The following MARK3 variants were observed in gnomAD, a reference collection of about 807,000 sequenced individuals.
MARK3 encodes MAP/microtubule affinity-regulating kinase 3.
Under a neutral mutation model 90.1 loss-of-function variants are expected in MARK3, and 46 were observed. That is an observed-to-expected ratio of 0.51 (90% CI 0.40 to 0.65). MARK3 has a LOEUF of 0.65. Among genes scored for constraint, MARK3 ranks in the 30% least tolerant of loss-of-function variants. The probability of loss-of-function intolerance (pLI) is 0.00; values close to 1 mark genes in which losing one functional copy is unlikely to be tolerated. For missense variants in MARK3, 818 were observed against 947.2 expected, an observed-to-expected ratio of 0.86 and a Z score of 1.79; for synonymous variants, 321 against 332.6, an observed-to-expected ratio of 0.97 and a Z score of 0.38.
At chr14:103,423,650 G>A (rs1015829303) in intron 2 of MARK3, among the ~76,000 whole-genome samples, 3 of 152,170 alleles carry the variant, frequency 2.0e-5, no homozygotes, top group African/African-American at 7.2e-5. Flanking sequence ...AGCTCTCCAG[G>A]CTCCAGCTCT....
intron 1 of MARK3, among the ~76,000 whole-genome samples, chr14:103,386,599 C>G (rs553846007): frequency 6.6e-6 from 1 of 152,208 alleles, no homozygotes; most frequent in African/African-American, 2.4e-5. Context: ...ACTGAGGGAT[C>G]TTTGCGGTCC....
chr14:103,464,207 A>C (rs1278598756), intron 7 of MARK3, among the ~76,000 whole-genome samples: 1 of 150,708 alleles, frequency 6.6e-6, no homozygotes, highest in African/African-American at 2.5e-5. Context: ...CTTGTTCATC[A>C]TTATCCATCC....
rs376227961 is a variant in MARK3, at chr14:103,447,291, CCT to C, written c.298-1627_298-1626del. 4.6e-4 allele frequency among the ~76,000 whole-genome samples: 70 copies of C among 152,072 alleles called. 1 individual carries two copies. In the East Asian group the frequency reaches 7.9e-3, roughly 17 times the overall value. On this transcript the variant is annotated intron_variant, in intron 3 of 17. Transcript: ENST00000429436. ...TTCAACCTGGGCAGCAGAGCGAGACCCTGTCTCAAAAAATAAAAATAAATTAA... is the reference window on the plus strand; with the variant it reads ...TTCAACCTGGGCAGCAGAGCGAGACCGTCTCAAAAAATAAAAATAAATTAA...
At chr14:103,395,838 T>C (rs1368599135) in intron 1 of MARK3, among the ~76,000 whole-genome samples, 8 of 152,210 alleles carry the variant, frequency 5.3e-5, no homozygotes, top group Admixed American at 5.2e-4. Flanking sequence ...ATTTTGAGTC[T>C]TGCTTATTTT....
At chr14:103,406,442 A>G (rs567974391) in intron 2 of MARK3, among the ~76,000 whole-genome samples, 1 of 143,230 alleles carries the variant, frequency 7.0e-6, no homozygotes, top group South Asian at 2.2e-4. Context: ...TCACCATGTT[A>G]GTCAGGCTGG....
intron 17 of MARK3, among the ~76,000 whole-genome samples, chr14:103,500,480 G>T (rs1249083190): frequency 6.6e-6 from 1 of 152,286 alleles, no homozygotes; most frequent in African/African-American, 2.4e-5. Context: ...GGGTAGCAGT[G>T]CTCAGAGAAA....
At chr14:103,447,257 C>T (rs1463347120) in intron 3 of MARK3, among the ~76,000 whole-genome samples, 1 of 152,082 alleles carries the variant, frequency 6.6e-6, no homozygotes, top group Non-Finnish European at 1.5e-5. Context: ...TATGATCACA[C>T]CACTGCACTT....
At chr14:103,486,680 T>A (rs949206950) in intron 14 of MARK3, among the ~76,000 whole-genome samples, 1 of 152,148 alleles carries the variant, frequency 6.6e-6, no homozygotes, top group Admixed American at 6.5e-5. Context: ...ATTGTGATGT[T>A]GGGGCTGCCT....
intron 1 of MARK3, among the ~76,000 whole-genome samples, chr14:103,399,925 C>T (rs927288881): frequency 3.0e-5 from 1 of 33,280 alleles, no homozygotes; most frequent in South Asian, 1.1e-3. Context: ...TCTGTCCTTA[C>T]CCCCCCACCC....
At chr14:103,486,298 G>A (rs554668691) in intron 14 of MARK3, among the ~76,000 whole-genome samples, 4 of 152,126 alleles carry the variant, frequency 2.6e-5, no homozygotes, top group East Asian at 1.9e-4. Flanking sequence ...AATTAGCTAG[G>A]TGTGGTGGTA....
At position 103,396,999 on chromosome 14, in the gene MARK3, G is replaced by GT. The variant is rs2090619905; in HGVS notation, c.52-8077_52-8076insT. Among the ~76,000 whole-genome samples, 3 of 152,228 alleles carry GT rather than the reference G, an allele frequency of 2.0e-5. No homozygotes were observed. The South Asian group carries it at 6.2e-4, about 32-fold the overall frequency. ...ATAAAGCCTTTTTATATTATGCATT[G>GT]AAATATTGGGGGGTATATTGAGTTA... On this transcript the variant is annotated intron_variant, in intron 1 of 17. Transcript: ENST00000429436.
chr14:103,418,254 A>G (rs1396218748), intron 2 of MARK3, among the ~76,000 whole-genome samples: 1 of 129,830 alleles, frequency 7.7e-6, no homozygotes, highest in Admixed American at 7.8e-5. Context: ...GCTCTTTTAT[A>G]AAGTAGATTT....
At chr14:103,500,124 C>T (rs1188310489) in intron 16 of MARK3, 32 bp from the exon 17 acceptor site, 2 of 1,583,248 alleles carry the variant, frequency 1.3e-6, no homozygotes, top group African/African-American at 2.7e-5. Context: ...CTCTTTCCCT[C>T]TTCTCTCTGC....
intron 13 of MARK3, among the ~76,000 whole-genome samples, chr14:103,478,667 GTAGC>G (rs1367054731): frequency 6.6e-6 from 1 of 151,718 alleles, no homozygotes; most frequent in Non-Finnish European, 1.5e-5. Flanking sequence ...AGCCTCCTGA[GTAGC>G]TGGGATTACA....
At chr14:103,386,928 G>T (rs968173606) in intron 1 of MARK3, among the ~76,000 whole-genome samples, 2 of 152,196 alleles carry the variant, frequency 1.3e-5, no homozygotes, top group African/African-American at 4.8e-5. Flanking sequence ...AGAACTTGTA[G>T]TAGAAATTCC....
chr14:103,461,370 T>A (rs2093397148), intron 6 of MARK3, among the ~76,000 whole-genome samples: 1 of 152,178 alleles, frequency 6.6e-6, no homozygotes, highest in South Asian at 2.1e-4. Flanking sequence ...TTAGAAGACT[T>A]TTTTTAAGTG....
intron 13 of MARK3, among the ~76,000 whole-genome samples, chr14:103,479,883 G>T (rs556428355): frequency 6.6e-6 from 1 of 152,064 alleles, no homozygotes; most frequent in South Asian, 2.1e-4. Context: ...CAGGAGATCC[G>T]CCCACCTCTG....
At chr14:103,435,420 T>A (rs1331532218) in intron 3 of MARK3, among the ~76,000 whole-genome samples, 1 of 152,180 alleles carries the variant, frequency 6.6e-6, no homozygotes, top group South Asian at 2.1e-4. Flanking sequence ...TATTTATTTA[T>A]TTTTTTGAGA....
intron 12 of MARK3, among the ~76,000 whole-genome samples, chr14:103,474,707 C>G: frequency 6.6e-6 from 1 of 152,072 alleles, no homozygotes; most frequent in East Asian, 1.9e-4. Flanking sequence ...TAGTTTGAAT[C>G]TATGCAGTAC....
Sources: gnomAD v4.1 joint callset for allele counts (sites outside exome capture counted in the v4.1 genomes callset) on GRCh38, gnomAD v4.1.1 for gene constraint, MANE v1.5 for transcripts, NCBI Gene and HGNC (gene_info 2026-07-23, HGNC 2026-07-21) for gene names.